The following OR8D1 variants were observed in gnomAD, a reference collection of about 807,000 sequenced individuals.
OR8D1 encodes the protein olfactory receptor family 8 subfamily D member 1.
For synonymous variants in OR8D1, 143 were observed against 147.0 expected, an observed-to-expected ratio of 0.97 and a Z score of 0.20; for missense variants, 384 against 366.8, an observed-to-expected ratio of 1.05 and a Z score of -0.38.
In OR8D1 at chr11:124,307,231, GAGAGGA is replaced by G. The variant is rs1454628515; in HGVS notation, c.*2603_*2608del. Reference sequence around the variant, plus strand: ...ACAAGTTTGGGACTTTCCATGAGGAGAGAGGATTTTGACCTCAGGAGCATGCAGTGA... The same window carrying G: ...ACAAGTTTGGGACTTTCCATGAGGAGTTTTGACCTCAGGAGCATGCAGTGA... On this transcript the variant is annotated 3_prime_UTR_variant, in exon 3 of 3. Transcript: ENST00000641015. 1.4e-5 allele frequency: 1 copy of G among 74,042 alleles called. No individual in the cohort carries two copies. Among genetic ancestry groups the G allele is most frequent in the Non-Finnish European group, 3.9e-5 (1 of 25,556 alleles). The allele number at this position is 74,042 out of a possible 1,614,324, so 4.6% of individuals were successfully genotyped here.
Position 124,310,301 on chromosome 11 carries a change from C to G in OR8D1, c.466G>C (p.Ala156Pro). 6.2e-7 allele frequency: 1 copy of G among 1,613,674 alleles called. No homozygotes were observed. The highest frequency in any genetic ancestry group is 1.7e-4 in the Middle Eastern group (1 of 6,060). Reference protein sequence around the residue: ...LAAFFLGFLSALTHTSAMMKL... With the variant: ...LAAFFLGFLSPLTHTSAMMKL... ...ATCATGGCACTTGTATGAGTCAAGG[C>G]AGAGAGAAAGCCCAAGAAGAAGGCA... Residue 156 changes from alanine to proline, a missense_variant, in exon 3 of 3, where the codon GCC becomes CCC. Ala to Pro is a conservative substitution (Grantham distance 27, BLOSUM62 -1). Coordinates refer to ENST00000641015, the MANE Select transcript of OR8D1 (RefSeq NM_001002917.2).
At chr11:124,313,535 T>A (rs1357238277) in intron 1 of OR8D1, among the ~76,000 whole-genome samples, 186 bp downstream of exon 1, 1 of 152,046 alleles carries the variant, frequency 6.6e-6, no homozygotes, top group East Asian at 1.9e-4. Flanking sequence ...ACCCAGGTTA[T>A]AAAGAAGTGA....
At position 124,309,928 on chromosome 11, in the gene OR8D1, G is replaced by A. The variant is rs143558290; in HGVS notation, c.839C>T (p.Thr280Met). 85 of 1,533,574 alleles carry A rather than the reference G, an allele frequency of 5.5e-5. No individual in the cohort carries two copies. The highest frequency in any genetic ancestry group is 3.8e-4 in the East Asian group (17 of 44,234). The allele number at this position is 1,533,574 out of a possible 1,614,324, so 95.0% of individuals were successfully genotyped here. ...QEKVSSVFYTTVIPMLNPLIY... is the reference protein window; with the variant it reads ...QEKVSSVFYTMVIPMLNPLIY... ...TAAAGGGTTCAGCATGGGGATCACC[G>A]TGGTGTAGAACACAGAGGACACCTT... The change falls in exon 3 of 3, where the codon ACG becomes ATG. Residue 280 changes from threonine to methionine, a missense_variant. Thr to Met is a moderately conservative substitution (Grantham distance 81). Transcript: ENST00000641015.
chr11:124,309,306 AC>A lies in OR8D1; in HGVS notation c.*533del, dbSNP rs1862395195. 6.6e-6 allele frequency: 1 copy of A among 151,986 alleles called. No individual in the cohort carries two copies. The highest frequency in any genetic ancestry group is 2.1e-4 in the South Asian group (1 of 4,826). 9.4% of individuals were successfully genotyped at this position (151,986 alleles called of 1,614,324 possible). ...AAATAGTAAAAGCGATTCGAATAAG[AC>A]CTGCTGACTAGAATTGCCATTCTTG... On this transcript the variant is annotated 3_prime_UTR_variant, in exon 3 of 3. Coordinates refer to ENST00000641015, the MANE Select transcript of OR8D1 (RefSeq NM_001002917.2).
chr11:124,313,353 AAG>A (rs1862440290), intron 1 of OR8D1, among the ~76,000 whole-genome samples: 2 of 152,148 alleles, frequency 1.3e-5, no homozygotes, highest in South Asian at 2.1e-4. Flanking sequence ...AGGAAAGAAA[AAG>A]AAAAAAAGAA....
At position 124,306,673 on chromosome 11, in the gene OR8D1, T is replaced by C. The variant is rs567718936; in HGVS notation, c.*3167A>G. 2 of 152,090 alleles carry C rather than the reference T, an allele frequency of 1.3e-5. No homozygotes were observed. Among genetic ancestry groups the C allele is most frequent in the African/African-American group, 4.8e-5 (2 of 41,528 alleles). 9.4% of individuals were successfully genotyped at this position (152,090 alleles called of 1,614,324 possible). ...AATTTCCCAATTATAATTTTGAATC[T>C]TCTGTATTTCTTGATTCTACTTTTC... On this transcript the variant is annotated 3_prime_UTR_variant, in exon 3 of 3. Transcript: ENST00000641015.
Position 124,310,420 on chromosome 11 carries a change from G to T in OR8D1, c.347C>A (p.Thr116Asn). Residue 116 changes from threonine to asparagine, a missense_variant, in exon 3 of 3, where the codon ACT (threonine) becomes AAT (asparagine). Thr to Asn is a moderately conservative substitution (Grantham distance 65). Coordinates refer to ENST00000641015, the MANE Select transcript of OR8D1 (RefSeq NM_001002917.2). ...VFVVAEGYLL[T>N]AMAYDRYVAI... ...AACATAGCGATCATATGCCATGGCA[G>T]TCAGGAGGTAACCCTCAGCCACCAC... 6.2e-7 allele frequency: 1 copy of T among 1,613,430 alleles called. No individual in the cohort carries two copies. Among genetic ancestry groups the T allele is most frequent in the South Asian group, 1.1e-5 (1 of 91,038 alleles).
In OR8D1 at chr11:124,304,318, GC is replaced by G. The variant is rs1862348843; in HGVS notation, c.*5521del. On this transcript the variant is annotated 3_prime_UTR_variant, in exon 3 of 3. Coordinates refer to ENST00000641015, the MANE Select transcript of OR8D1 (RefSeq NM_001002917.2). ...GTACTCTTGTGTTTGTGGTTTCTTG[GC>G]CTAGACATATTATTAAATGATATTC... 1 of 151,772 alleles carries G rather than the reference GC, an allele frequency of 6.6e-6. No homozygotes were observed. The highest frequency in any genetic ancestry group is 1.5e-5 in the Non-Finnish European group (1 of 67,872). 9.4% of individuals were successfully genotyped at this position (151,772 alleles called of 1,614,324 possible). A position where few individuals can be genotyped will look rare whatever the true frequency, so the allele number is the denominator to read the frequency against.
rs768791926 is a variant in OR8D1 at position 124,310,196 on chromosome 11, T to G, written c.571A>C (p.Asn191His). The G allele has an allele frequency of 2.5e-6, 4 of 1,613,692 alleles. No individual in the cohort carries two copies. In the South Asian group the frequency reaches 3.3e-5, roughly 13 times the overall value. ...AGTAGAAGCTCATTGAGGTGTGTGT[T>G]GGAGCAGGAGAGATTGAGGAGGGGA... ...VLPLLNLSCS[N>H]THLNELLLFI... Residue 191 changes from asparagine to histidine, a missense_variant, in exon 3 of 3, where the codon AAC (asparagine) becomes CAC (histidine). Physicochemically the swap from Asn to His is moderately conservative, Grantham distance 68. Coordinates refer to ENST00000641015, the MANE Select transcript of OR8D1 (RefSeq NM_001002917.2).
At chr11:124,310,888 A>G (rs950638912) in intron 2 of OR8D1, 106 bp from the exon 3 acceptor site, 8 of 672,862 alleles carry the variant, frequency 1.2e-5, no homozygotes, top group African/African-American at 5.4e-5. Flanking sequence ...AGACTGAGTC[A>G]TAGTTTTCAT....
rs1380578724 is a variant in OR8D1 at position 124,303,767 on chromosome 11, A to G, written c.*6073T>C. 1 of 152,010 alleles carries G rather than the reference A, an allele frequency of 6.6e-6. No homozygotes were observed. Among genetic ancestry groups the G allele is most frequent in the Non-Finnish European group, 1.5e-5 (1 of 67,950 alleles). 9.4% of individuals were successfully genotyped at this position (152,010 alleles called of 1,614,324 possible). On this transcript the variant is annotated 3_prime_UTR_variant, in exon 3 of 3. Coordinates refer to ENST00000641015, the MANE Select transcript of OR8D1 (RefSeq NM_001002917.2). ...ATTATAATCATTTCAAAATAATTACATATAGCAAAATGAACAGGTATTAAG... is the reference window on the plus strand; with the variant it reads ...ATTATAATCATTTCAAAATAATTACGTATAGCAAAATGAACAGGTATTAAG...
chr11:124,309,071 T>TG lies in OR8D1; in HGVS notation c.*768dup, dbSNP rs998225071. On this transcript the variant is annotated 3_prime_UTR_variant, in exon 3 of 3. Transcript: ENST00000641015. ...AGGACAGTTCTCCAACTGAAACAAA[T>TG]GTGGGGGTTATATCTTCCCTATGAG... The TG allele has an allele frequency of 6.6e-6, 1 of 152,020 alleles. No individual in the cohort carries two copies. The highest frequency in any genetic ancestry group is 2.4e-5 in the African/African-American group (1 of 41,424). The allele number at this position is 152,020 out of a possible 1,614,324, so 9.4% of individuals were successfully genotyped here. A position where few individuals can be genotyped will look rare whatever the true frequency, so the allele number is the denominator to read the frequency against.
rs529208208 is a variant in OR8D1 at position 124,303,992 on chromosome 11, A to G, written c.*5848T>C. 2.0e-5 allele frequency: 3 copies of G among 152,158 alleles called. No individual in the cohort carries two copies. In the East Asian group the frequency reaches 5.8e-4, roughly 29 times the overall value. The allele number at this position is 152,158 out of a possible 1,614,324, so 9.4% of individuals were successfully genotyped here. Reference sequence around the variant, plus strand: ...TAAAATTACATAAAATTTAAATTTTAGTGTTTATAAATAAAATTGTATTGT... The same window carrying G: ...TAAAATTACATAAAATTTAAATTTTGGTGTTTATAAATAAAATTGTATTGT... On this transcript the variant is annotated 3_prime_UTR_variant, in exon 3 of 3. Coordinates refer to ENST00000641015, the MANE Select transcript of OR8D1 (RefSeq NM_001002917.2).
rs192718334 is a variant in OR8D1 at position 124,303,885 on chromosome 11, G to A, written c.*5955C>T. The A allele has an allele frequency of 2.6e-5, 4 of 151,724 alleles. No homozygotes were observed. In the East Asian group the frequency reaches 7.7e-4, roughly 29 times the overall value. 9.4% of individuals were successfully genotyped at this position (151,724 alleles called of 1,614,324 possible). A position where few individuals can be genotyped will look rare whatever the true frequency, so the allele number is the denominator to read the frequency against. ...GTAGTGGTGCAAAATATGGGTTATG[G>A]GGCAAATCCAGCCCAGAGTTTAGTA... On this transcript the variant is annotated 3_prime_UTR_variant, in exon 3 of 3. Coordinates refer to ENST00000641015, the MANE Select transcript of OR8D1 (RefSeq NM_001002917.2).
At position 124,309,089 on chromosome 11, in the gene OR8D1, C is replaced by T. The variant is rs1308497066; in HGVS notation, c.*751G>A. ...AAACAAATGTGGGGGTTATATCTTC[C>T]CTATGAGGAAGGTTTTTCAACCTTA... On this transcript the variant is annotated 3_prime_UTR_variant, in exon 3 of 3. Coordinates refer to ENST00000641015, the MANE Select transcript of OR8D1 (RefSeq NM_001002917.2). 6.6e-6 allele frequency: 1 copy of T among 151,986 alleles called. No homozygotes were observed. Among genetic ancestry groups the T allele is most frequent in the Admixed American group, 6.6e-5 (1 of 15,250 alleles). 9.4% of individuals were successfully genotyped at this position (151,986 alleles called of 1,614,324 possible).
chr11:124,307,696 G>A lies in OR8D1; in HGVS notation c.*2144C>T, dbSNP rs113794885. On this transcript the variant is annotated 3_prime_UTR_variant, in exon 3 of 3. Transcript: ENST00000641015. ...TCAAGAAAGTCATGATATGATTATA[G>A]GGAAAAGAGAATATTTTCATATAAA... is the stretch of plus-strand genomic sequence containing the variant. The A allele has an allele frequency of 1.1e-4, 17 of 152,218 alleles. No homozygotes were observed. The highest frequency in any genetic ancestry group is 4.1e-4 in the African/African-American group (17 of 41,558). The allele number at this position is 152,218 out of a possible 1,614,324, so 9.4% of individuals were successfully genotyped here. A position where few individuals can be genotyped will look rare whatever the true frequency, so the allele number is the denominator to read the frequency against.
rs1862365899 is a variant in OR8D1 at position 124,305,963 on chromosome 11, C to G, written c.*3877G>C. On this transcript the variant is annotated 3_prime_UTR_variant, in exon 3 of 3. Transcript: ENST00000641015. The stretch of plus-strand genomic sequence containing the variant: ...TATATACTTTGCATATTGTCCCTGC[C>G]AGTACTATTTCACAAAATTATTTTA... 1 of 151,830 alleles carries G rather than the reference C, an allele frequency of 6.6e-6. No homozygotes were observed. Among genetic ancestry groups the G allele is most frequent in the Non-Finnish European group, 1.5e-5 (1 of 67,858 alleles). The allele number at this position is 151,830 out of a possible 1,614,324, so 9.4% of individuals were successfully genotyped here. A position where few individuals can be genotyped will look rare whatever the true frequency, so the allele number is the denominator to read the frequency against.
In OR8D1 at chr11:124,304,692, G is replaced by A. The variant is rs2137787437; in HGVS notation, c.*5148C>T. 6.6e-6 allele frequency: 1 copy of A among 151,766 alleles called. No homozygotes were observed. Among genetic ancestry groups the A allele is most frequent in the Admixed American group, 6.6e-5 (1 of 15,204 alleles). The allele number at this position is 151,766 out of a possible 1,614,324, so 9.4% of individuals were successfully genotyped here. ...CCTGATGACTATTAATATTGAAATG[G>A]CCTAATGTATTTGTAAGCCCTAGTA... is the stretch of plus-strand genomic sequence containing the variant. On this transcript the variant is annotated 3_prime_UTR_variant, in exon 3 of 3. Coordinates refer to ENST00000641015, the MANE Select transcript of OR8D1 (RefSeq NM_001002917.2).
rs959038408 is a variant in OR8D1, at chr11:124,304,244, G to A, written c.*5596C>T. 2 of 151,780 alleles carry A rather than the reference G, an allele frequency of 1.3e-5. No homozygotes were observed. The highest frequency in any genetic ancestry group is 4.8e-5 in the African/African-American group (2 of 41,358). 9.4% of individuals were successfully genotyped at this position (151,780 alleles called of 1,614,324 possible). ...ATCATTATGAATTTTATCTTCACAG[G>A]TTTATATTGCCTATTCTTGCACTTG... On this transcript the variant is annotated 3_prime_UTR_variant, in exon 3 of 3. Transcript: ENST00000641015.
Sources: allele counts gnomAD v4.1 joint callset (sites outside exome capture counted in the v4.1 genomes callset), GRCh38; gene constraint gnomAD v4.1.1; transcripts MANE v1.5; gene names NCBI Gene and HGNC (gene_info 2026-07-23, HGNC 2026-07-21).